The following MCF2L variants were observed in gnomAD, a reference collection of about 807,000 sequenced individuals.
The protein encoded by MCF2L is MCF.2 cell line derived transforming sequence like.
In MCF2L, 97 loss-of-function variants were observed where a neutral mutation model predicts 153.4. The ratio of observed to expected loss-of-function variants is 0.63; its 90% CI spans 0.54 to 0.75. The LOEUF (loss-of-function observed/expected upper bound fraction) is 0.75. Ranked by LOEUF, MCF2L falls within the 30% of genes least tolerant of loss-of-function variation. The pLI is 0.00. For missense variants in MCF2L, 1,347 were observed against 1,495.2 expected (o/e 0.90, Z 1.64); for synonymous variants, 659 against 632.2 (o/e 1.04, Z -0.64).
At position 113,044,683 on chromosome 13, in the gene MCF2L, A is replaced by AGGCTGTCG. The variant is rs569591281; in HGVS notation, c.279-587_279-580dup. 175 of 1,612,702 alleles carry AGGCTGTCG rather than the reference A, an allele frequency of 1.1e-4. 1 individual carries two copies. The South Asian group carries it at 1.8e-3, about 16-fold the overall frequency. On this transcript the variant is annotated intron_variant, in intron 3 of 29. Coordinates refer to ENST00000535094, the MANE Select transcript of MCF2L (RefSeq NM_001112732.3). ...TACTACCAGGCTCATCCGAGGACGG[A>AGGCTGTCG]GGCTGTCGTTATACAACGCGCAAGT...
At chr13:112,896,271 G>GC (rs201395812) in intron 1 of MCF2L, among the ~76,000 whole-genome samples, 1,521 of 151,918 alleles carry the variant, frequency 0.01, 32 homozygotes, top group African/African-American at 0.034. Flanking sequence ...TCTCTTCACC[G>GC]CCCCCCCGAG....
At chr13:112,952,702 A>G (rs1291777145) in intron 2 of MCF2L, among the ~76,000 whole-genome samples, 1 of 152,260 alleles carries the variant, frequency 6.6e-6, no homozygotes, top group African/African-American at 2.4e-5. Flanking sequence ...CAGGGCAATG[A>G]ACACCAGCTA....
At chr13:113,044,006 A>C (rs61966382) in intron 3 of MCF2L, 2 of 154,308 alleles carry the variant, frequency 1.3e-5, no homozygotes, top group African/African-American at 4.8e-5. Context: ...CTGAAAATAT[A>C]ACTTTAAAAA....
At position 112,942,223 on chromosome 13, in the gene MCF2L, C is replaced by T. The variant is rs2081582538; in HGVS notation, c.169+39852C>T. Among the ~76,000 whole-genome samples the T allele has an allele frequency of 2.0e-5, 3 of 152,194 alleles. No individual in the cohort carries two copies. The South Asian group carries it at 6.2e-4, about 31-fold the overall frequency. ...GTTCCATCCTGTACACCTGGCTTTC[C>T]CTTTTAGATAGCAGTAGCAAATTAG... On this transcript the variant is annotated intron_variant, in intron 2 of 29. Transcript: ENST00000375608.
chr13:113,049,751 C>T (rs2087086076), intron 4 of MCF2L, among the ~76,000 whole-genome samples: 1 of 152,224 alleles, frequency 6.6e-6, no homozygotes, highest in Non-Finnish European at 1.5e-5. Flanking sequence ...AGCGCTCGGC[C>T]ACCGAGGAGG....
intron 5 of MCF2L, among the ~76,000 whole-genome samples, chr13:113,062,391 TTGTG>T (rs2031656279): frequency 1.3e-5 from 2 of 152,114 alleles, no homozygotes; most frequent in Non-Finnish European, 2.9e-5. Flanking sequence ...TCTTGGTGGC[TTGTG>T]TGTGTTATGG....
intron 2 of MCF2L, among the ~76,000 whole-genome samples, chr13:113,020,795 GATGTGTGTATGT>G (rs1438808224): frequency 1.9e-5 from 2 of 103,808 alleles, no homozygotes; most frequent in East Asian, 8.6e-4. Flanking sequence ...TGTATGTGTA[GATGTGTGTATGT>G]ATAGTGTGTG....
At position 112,993,247 on chromosome 13, in the gene MCF2L, G is replaced by A. The variant is rs1444386638; in HGVS notation, c.80-21516G>A. The stretch of plus-strand genomic sequence containing the variant: ...CCCGGTGAAGCCACGTGATGTCTTC[G>A]TGTGAACATGGTGGCGGGGGAGCGC... On this transcript the variant is annotated intron_variant, in intron 1 of 29. Coordinates refer to ENST00000535094, the MANE Select transcript of MCF2L (RefSeq NM_001112732.3). The surrounding 1 kb of genome is among the most constrained non-coding windows in gnomAD (Gnocchi z 4.6). Among the ~76,000 whole-genome samples the A allele has an allele frequency of 5.9e-5, 9 of 152,236 alleles. No homozygotes were observed. Among genetic ancestry groups the A allele is most frequent in the Non-Finnish European group, 1.3e-4 (9 of 68,046 alleles).
At chr13:112,995,000 C>T (rs1401363022) in intron 1 of MCF2L, among the ~76,000 whole-genome samples, 1 of 152,240 alleles carries the variant, frequency 6.6e-6, no homozygotes, top group Non-Finnish European at 1.5e-5. Flanking sequence ...CAGGACGGTC[C>T]CCAGGGGCGC....
chr13:112,910,280 T>G (rs368548221), intron 2 of MCF2L: 115 of 152,338 alleles, frequency 7.5e-4, no homozygotes, highest in African/African-American at 2.7e-3. Context: ...TCAGTAAAAG[T>G]CTTCAAATAT....
intron 1 of MCF2L, among the ~76,000 whole-genome samples, chr13:113,010,522 G>T (rs1342323048): frequency 6.6e-6 from 1 of 152,190 alleles, no homozygotes; most frequent in African/African-American, 2.4e-5. Context: ...ATCTCACCAC[G>T]TCGTCCCCGT....
chr13:112,989,989 G>A (rs557154523), intron 1 of MCF2L, among the ~76,000 whole-genome samples: 180 of 152,284 alleles, frequency 1.2e-3, no homozygotes, highest in African/African-American at 4.1e-3. Flanking sequence ...CCATAGGTTC[G>A]CTCCTAGGAG....
At chr13:113,017,563 G>A (rs1045086636) in intron 2 of MCF2L, among the ~76,000 whole-genome samples, 4 of 152,356 alleles carry the variant, frequency 2.6e-5, no homozygotes, top group African/African-American at 9.6e-5. Flanking sequence ...GGGAGTGGAC[G>A]TGCCTTTCAG....
chr13:113,046,108 A>C lies in MCF2L; in HGVS notation c.369+747A>C, dbSNP rs2086795859. The C allele has an allele frequency of 2.5e-5, 4 of 158,508 alleles. No individual in the cohort carries two copies. The highest frequency in any genetic ancestry group is 9.6e-5 in the African/African-American group (4 of 41,462). The allele number at this position is 158,508 out of a possible 1,614,324, so 9.8% of individuals were successfully genotyped here. A position where few individuals can be genotyped will look rare whatever the true frequency, so the allele number is the denominator to read the frequency against. On this transcript the variant is annotated intron_variant, in intron 4 of 29. Transcript: ENST00000535094. The surrounding 1 kb of genome is among the most constrained non-coding windows in gnomAD (Gnocchi z 4.4). The stretch of plus-strand genomic sequence containing the variant: ...TGGTTTTAACCCAGAGTAATCATTT[A>C]AGAGGGAAGAGATTAAGTCAGCAGA...
chr13:113,004,418 T>C (rs9549630), intron 1 of MCF2L, among the ~76,000 whole-genome samples: 40,276 of 152,150 alleles, frequency 0.26, 5,364 homozygotes, highest in East Asian at 0.33. Flanking sequence ...CGTCACTCCA[T>C]GTCTGCAGCT....
intron 2 of MCF2L, among the ~76,000 whole-genome samples, chr13:112,928,046 T>C (rs538553658): frequency 6.6e-6 from 1 of 152,352 alleles, no homozygotes; most frequent in Non-Finnish European, 1.5e-5. Context: ...GAATAATTAT[T>C]AATTGTATTG....
chr13:113,058,943 C>CTGTTTGGGTGCTGAG (rs879411353), intron 4 of MCF2L, among the ~76,000 whole-genome samples: 58,556 of 143,636 alleles, frequency 0.41, 11,932 homozygotes, highest in African/African-American at 0.45. Flanking sequence ...TGTTTCGGCA[C>CTGTTTGGGTGCTGAG]TGTTTGGGTG....
chr13:112,902,512 C>T (rs1481567444), intron 2 of MCF2L: 6 of 899,480 alleles, frequency 6.7e-6, no homozygotes, highest in African/African-American at 1.7e-5. Context: ...AGGTAGCAGG[C>T]TGTGGGAGGG....
At chr13:112,928,848 G>A (rs545981805) in intron 2 of MCF2L, among the ~76,000 whole-genome samples, 4 of 152,306 alleles carry the variant, frequency 2.6e-5, no homozygotes, top group South Asian at 2.1e-4. Flanking sequence ...AGGACTTCCC[G>A]GCCGAGGGCC....
Sources: gnomAD v4.1 joint callset for allele counts (sites outside exome capture counted in the v4.1 genomes callset) on GRCh38, gnomAD v4.1.1 for gene constraint, Gnocchi (gnomAD v3.1) non-coding constraint, MANE v1.5 for transcripts, NCBI Gene and HGNC (gene_info 2026-07-23, HGNC 2026-07-21) for gene names.